Variants in RNF169 observed in about 807,000 individuals in gnomAD.
RNF169 encodes the protein E3 ubiquitin-protein ligase RNF169.
Under a neutral mutation model 53.9 loss-of-function variants are expected in RNF169, and 24 were observed. The ratio of observed to expected loss-of-function variants is 0.45; its 90% confidence interval spans 0.32 to 0.63. RNF169 has a LOEUF of 0.63. Among genes scored for constraint, RNF169 ranks in the 20% least tolerant of loss-of-function variants. The probability of loss-of-function intolerance (pLI) is 0.04; values close to 1 mark genes in which losing one functional copy is unlikely to be tolerated. For missense variants in RNF169, 883 were observed against 906.2 expected (o/e 0.97, Z 0.33); for synonymous variants, 396 against 363.5 (o/e 1.09, Z -1.02).
In RNF169 at chr11:74,839,955, T is replaced by A. The variant is rs192497538; in HGVS notation, c.*3225T>A. On this transcript the variant is annotated 3_prime_UTR_variant, in exon 6 of 6. Coordinates refer to ENST00000299563, the MANE Select transcript of RNF169 (RefSeq NM_001098638.2). Reference sequence around the variant, plus strand: ...TTCACTTATTTTTTAAATTTTAATTTAATTTTTAAATTTTTGCTTGGAAGC... The same window carrying A: ...TTCACTTATTTTTTAAATTTTAATTAAATTTTTAAATTTTTGCTTGGAAGC... 23 of 152,362 alleles carry A rather than the reference T, an allele frequency of 1.5e-4. No homozygotes were observed. Among genetic ancestry groups the A allele is most frequent in the Admixed American group, 7.2e-4 (11 of 15,306 alleles). 9.4% of individuals were successfully genotyped at this position (152,362 alleles called of 1,614,324 possible). A position where few individuals can be genotyped will look rare whatever the true frequency, so the allele number is the denominator to read the frequency against.
intron 2 of RNF169, 125 bp downstream of exon 2, chr11:74,789,824 C>T: frequency 3.8e-6 from 2 of 531,262 alleles, no homozygotes; most frequent in South Asian, 3.0e-5. Context: ...TTCACACTGC[C>T]TTATACCAGC....
At chr11:74,822,202 CAG>C (rs973397619) in intron 4 of RNF169, among the ~76,000 whole-genome samples, 3 of 152,018 alleles carry the variant, frequency 2.0e-5, no homozygotes, top group East Asian at 1.9e-4. Flanking sequence ...ATGTAAGAGA[CAG>C]AGAGAGTAAT....
chr11:74,786,957 C>G (rs1466634579), intron 1 of RNF169, among the ~76,000 whole-genome samples: 1 of 152,174 alleles, frequency 6.6e-6, no homozygotes, highest in Non-Finnish European at 1.5e-5. Context: ...TTCTACCAGG[C>G]TATTGCTAAA....
chr11:74,752,694 A>G (rs371180697), intron 1 of RNF169, among the ~76,000 whole-genome samples: 1 of 152,056 alleles, frequency 6.6e-6, no homozygotes, highest in African/African-American at 2.4e-5. Flanking sequence ...TTTTATACAA[A>G]AGGTTGTACA....
At chr11:74,749,648 G>C (rs2034856089) in intron 1 of RNF169, among the ~76,000 whole-genome samples, 1 of 152,216 alleles carries the variant, frequency 6.6e-6, no homozygotes, top group Non-Finnish European at 1.5e-5. Flanking sequence ...AGAATTGTTG[G>C]AACAAGTTAG....
intron 4 of RNF169, among the ~76,000 whole-genome samples, chr11:74,819,619 C>T (rs535895714): frequency 6.6e-6 from 1 of 152,316 alleles, no homozygotes; most frequent in East Asian, 1.9e-4. Flanking sequence ...TTTGTCAGAA[C>T]TGACTGTCAA....
intron 1 of RNF169, among the ~76,000 whole-genome samples, chr11:74,756,938 G>A (rs1389458138): frequency 6.6e-6 from 1 of 152,058 alleles, no homozygotes; most frequent in Non-Finnish European, 1.5e-5. Context: ...TTAGCAAGAT[G>A]GCTAAAACTG....
rs2034846877 is a variant in RNF169, at chr11:74,749,329, C to T, written c.449C>T (p.Ala150Val). Residue 150 changes from alanine to valine, a missense_variant, in exon 1 of 6, where the codon GCT becomes GTT. Around this residue, in one of 3 missense-constraint regions of RNF169, gnomAD observed 313 missense variants for 279.9 expected, o/e 1.12. Coordinates refer to ENST00000299563, the MANE Select transcript of RNF169 (RefSeq NM_001098638.2). ...CGCCCGCGCCGGGACGGGGGCGCGG[C>T]TGCCGCGGGGCCCAGGCCAGAGCAG... The part of the protein sequence containing the change: ...RCRPRRDGGA[A>V]AAGPRPEQEP... 8.3e-7 allele frequency: 1 copy of T among 1,204,420 alleles called. No individual in the cohort carries two copies. Among genetic ancestry groups the T allele is most frequent in the African/African-American group, 1.6e-5 (1 of 63,384 alleles). The allele number at this position is 1,204,420 out of a possible 1,614,324, so 74.6% of individuals were successfully genotyped here. A position where few individuals can be genotyped will look rare whatever the true frequency, so the allele number is the denominator to read the frequency against.
At chr11:74,810,455 TAA>T (rs2035860415) in intron 3 of RNF169, 125 bp downstream of exon 3, 1 of 876,898 alleles carries the variant, frequency 1.1e-6, no homozygotes, top group Non-Finnish European at 1.8e-6. Flanking sequence ...CTGTGCAGCT[TAA>T]GAGTAGTGAA....
At chr11:74,794,741 G>A (rs966357928) in intron 2 of RNF169, among the ~76,000 whole-genome samples, 1 of 152,226 alleles carries the variant, frequency 6.6e-6, no homozygotes, top group African/African-American at 2.4e-5. Flanking sequence ...GTGAATGAAG[G>A]AGAGTGACAG....
chr11:74,830,029 TAAAG>T (rs1276475188), intron 4 of RNF169, among the ~76,000 whole-genome samples: 5 of 152,056 alleles, frequency 3.3e-5, no homozygotes, highest in East Asian at 1.9e-4. Context: ...AGGTAAAAAT[TAAAG>T]AAAACCTGTA....
chr11:74,826,472 T>C (rs1020527731), intron 4 of RNF169, among the ~76,000 whole-genome samples: 1 of 151,988 alleles, frequency 6.6e-6, no homozygotes, highest in Non-Finnish European at 1.5e-5. Flanking sequence ...TAATTCAAGA[T>C]GAAATTTGGG....
At chr11:74,762,371 A>AGTG (rs2035099845) in intron 1 of RNF169, among the ~76,000 whole-genome samples, 5 of 151,756 alleles carry the variant, frequency 3.3e-5, no homozygotes, top group Admixed American at 6.6e-5. Flanking sequence ...TTGGAGGAGG[A>AGTG]GAGGCGCTCT....
At chr11:74,755,065 G>C (rs961308572) in intron 1 of RNF169, among the ~76,000 whole-genome samples, 2 of 152,188 alleles carry the variant, frequency 1.3e-5, no homozygotes, top group Admixed American at 1.3e-4. Context: ...TGTGATTGTA[G>C]TGCAAGAGGA....
intron 1 of RNF169, among the ~76,000 whole-genome samples, chr11:74,774,475 G>A (rs1351972181): frequency 6.6e-6 from 1 of 151,926 alleles, no homozygotes; most frequent in African/African-American, 2.4e-5. Context: ...CTAGTTTTTA[G>A]GCTAAGTAAA....
At chr11:74,783,502 A>T (rs1158431141) in intron 1 of RNF169, among the ~76,000 whole-genome samples, 2 of 152,210 alleles carry the variant, frequency 1.3e-5, no homozygotes, top group Admixed American at 6.5e-5. Flanking sequence ...TAAGATATTC[A>T]GTATCTCAGT....
At chr11:74,749,838 A>T (rs559391374) in intron 1 of RNF169, among the ~76,000 whole-genome samples, 1 of 152,072 alleles carries the variant, frequency 6.6e-6, no homozygotes, top group South Asian at 2.1e-4. Context: ...GAATTTGAGG[A>T]TGTGAAGGGA....
At chr11:74,829,726 A>C (rs111571463) in intron 4 of RNF169, among the ~76,000 whole-genome samples, 127 of 152,340 alleles carry the variant, frequency 8.3e-4, no homozygotes, top group African/African-American at 2.9e-3. Flanking sequence ...CATCATTCTC[A>C]GCAAACTAAT....
intron 2 of RNF169, among the ~76,000 whole-genome samples, chr11:74,795,586 C>T (rs1295363506): frequency 6.6e-6 from 1 of 152,218 alleles, no homozygotes; most frequent in Non-Finnish European, 1.5e-5. Flanking sequence ...AGAGGCTGGG[C>T]ACATTGGCTC....
Sources: allele counts gnomAD v4.1 joint callset (sites outside exome capture counted in the v4.1 genomes callset), GRCh38; gene constraint gnomAD v4.1.1; regional missense constraint gnomAD v4.1.1; transcripts MANE v1.5; gene names NCBI Gene and HGNC (gene_info 2026-07-23, HGNC 2026-07-21).